PTN: variants seen among roughly 807,000 people sequenced by gnomAD.
The protein encoded by PTN is heparin affin regulatory protein.
A neutral mutation model predicts 24.1 loss-of-function variants in PTN; 18 were observed. That is an observed-to-expected ratio of 0.75 (90% CI 0.52 to 1.11). The LOEUF (loss-of-function observed/expected upper bound fraction) is 1.11. Ranked by LOEUF, PTN falls within the 50% of genes least tolerant of loss-of-function variation. The pLI, the probability that PTN is intolerant of heterozygous loss-of-function variation, is 0.00. For synonymous variants in PTN, 78 were observed against 68.6 expected, an observed-to-expected ratio of 1.14 and a Z score of -0.67; for missense variants, 163 against 198.8, an observed-to-expected ratio of 0.82 and a Z score of 1.08.
At chr7:137,254,219 A>C (rs999893809) in intron 2 of PTN, among the ~76,000 whole-genome samples, 2 of 151,598 alleles carry the variant, frequency 1.3e-5, no homozygotes, top group African/African-American at 4.9e-5. Context: ...AATCACTTGA[A>C]CCGGGAGACA....
At chr7:137,289,238 T>C (rs1485196328) in intron 1 of PTN, among the ~76,000 whole-genome samples, 1 of 152,178 alleles carries the variant, frequency 6.6e-6, no homozygotes, top group Non-Finnish European at 1.5e-5. Context: ...ATTAGAGCCT[T>C]GGTATTGAAA....
intron 1 of PTN, among the ~76,000 whole-genome samples, chr7:137,268,740 G>T (rs1809210982): frequency 6.6e-6 from 1 of 152,128 alleles, no homozygotes; most frequent in Admixed American, 6.5e-5. Context: ...CTTGGTTTCG[G>T]GTCTGGTTCC....
intron 1 of PTN, among the ~76,000 whole-genome samples, chr7:137,271,475 C>T (rs908358524): frequency 1.8e-4 from 27 of 152,032 alleles, no homozygotes; most frequent in African/African-American, 5.8e-4. Flanking sequence ...AGCACACAGG[C>T]GTAAGAAAGA....
chr7:137,321,593 T>A (rs1810163929), intron 1 of PTN, among the ~76,000 whole-genome samples: 2 of 152,212 alleles, frequency 1.3e-5, no homozygotes, highest in South Asian at 4.1e-4. Context: ...GACAATGTGA[T>A]TTTTGTTTGA....
chr7:137,307,266 T>C (rs1809904146), intron 1 of PTN, among the ~76,000 whole-genome samples: 1 of 152,154 alleles, frequency 6.6e-6, no homozygotes, highest in Non-Finnish European at 1.5e-5. Flanking sequence ...ATCTGACAGC[T>C]GTTCGGTTCC....
chr7:137,317,023 G>A (rs954141805), intron 1 of PTN, among the ~76,000 whole-genome samples: 2 of 152,196 alleles, frequency 1.3e-5, no homozygotes, highest in African/African-American at 4.8e-5. Context: ...CAGGTTGGTG[G>A]TCTCTCTCTT....
intron 1 of PTN, among the ~76,000 whole-genome samples, chr7:137,324,433 A>AAAAAAAAATATATAT: frequency 2.3e-5 from 2 of 88,802 alleles, no homozygotes; most frequent in African/African-American, 1.4e-4. Context: ...AAAAAAAAAA[A>AAAAAAAAATATATAT]ATATATATAT....
At chr7:137,265,615 C>T (rs57537216) in intron 1 of PTN, among the ~76,000 whole-genome samples, 16,957 of 152,198 alleles carry the variant, frequency 0.11, 1,234 homozygotes, top group East Asian at 0.26. Context: ...GCAGAGAGAG[C>T]CTGGCATGAC....
chr7:137,339,842 G>A (rs895080421), intron 1 of PTN, among the ~76,000 whole-genome samples: 1 of 147,240 alleles, frequency 6.8e-6, no homozygotes, highest in Non-Finnish European at 1.5e-5. Context: ...AAAGCAGGAA[G>A]AAAAGGGAGC....
intron 1 of PTN, among the ~76,000 whole-genome samples, chr7:137,267,379 T>C (rs1809172947): frequency 6.6e-6 from 1 of 152,084 alleles, no homozygotes; most frequent in Non-Finnish European, 1.5e-5. Context: ...CTTATGCTGC[T>C]GTTCTCTTAA....
chr7:137,291,554 C>T (rs1229524073), intron 1 of PTN, among the ~76,000 whole-genome samples: 2 of 152,094 alleles, frequency 1.3e-5, no homozygotes, highest in African/African-American at 4.8e-5. Flanking sequence ...TACAGCTTTA[C>T]TGACCGCTGC....
intron 4 of PTN, among the ~76,000 whole-genome samples, chr7:137,248,153 T>C (rs1033585462): frequency 6.6e-6 from 1 of 152,212 alleles, no homozygotes; most frequent in African/African-American, 2.4e-5. Context: ...TCCCATTGAT[T>C]AGTAGAATGT....
chr7:137,243,729 T>C (rs1343834657), intron 4 of PTN, among the ~76,000 whole-genome samples: 2 of 151,936 alleles, frequency 1.3e-5, no homozygotes, highest in East Asian at 1.9e-4. Flanking sequence ...TGTGGGGAGA[T>C]TGGATAGTCC....
At chr7:137,234,973 G>A (rs1808494597) in intron 4 of PTN, among the ~76,000 whole-genome samples, 1 of 152,014 alleles carries the variant, frequency 6.6e-6, no homozygotes, top group Admixed American at 6.6e-5. Context: ...CACCTTCTAA[G>A]AGATAGAATT....
At chr7:137,320,997 G>A (rs1162335863) in intron 1 of PTN, among the ~76,000 whole-genome samples, 1 of 152,132 alleles carries the variant, frequency 6.6e-6, no homozygotes, top group Non-Finnish European at 1.5e-5. Context: ...ACTGTGCTGT[G>A]GCTCTACAAT....
At chr7:137,304,079 A>C (rs1809848696) in intron 1 of PTN, among the ~76,000 whole-genome samples, 1 of 152,032 alleles carries the variant, frequency 6.6e-6, no homozygotes, top group Non-Finnish European at 1.5e-5. Context: ...AGCGTGGTTC[A>C]AAGAATAATG....
At position 137,288,222 on chromosome 7, in the gene PTN, C is replaced by G. The variant is rs540425727; in HGVS notation, c.-1-33248G>C. Reference sequence around the variant, plus strand: ...ATTGTTTAATAAACAAGCTGTTGCCCCAAATAATTTGCTCAGATGAGTTAA... The same window carrying G: ...ATTGTTTAATAAACAAGCTGTTGCCGCAAATAATTTGCTCAGATGAGTTAA... On this transcript the variant is annotated intron_variant, in intron 1 of 4. Transcript: ENST00000348225. Among the ~76,000 whole-genome samples, 9 of 152,126 alleles carry G rather than the reference C, an allele frequency of 5.9e-5. No individual in the cohort carries two copies. In the South Asian group the frequency reaches 1.7e-3, roughly 28 times the overall value.
rs560443451 is a variant in PTN at position 137,337,152 on chromosome 7, A to T, written c.-2+6287T>A. ...GGCTCCAGGCAGCTGGAACCTACAC[A>T]TGACGCTAGTTAATCTGATAAACAT... On this transcript the variant is annotated intron_variant, in intron 1 of 4. Coordinates refer to ENST00000348225, the MANE Select transcript of PTN (RefSeq NM_002825.7). Among the ~76,000 whole-genome samples the T allele has an allele frequency of 3.3e-5, 5 of 152,306 alleles. No homozygotes were observed. The East Asian group carries it at 9.6e-4, about 29-fold the overall frequency.
chr7:137,291,621 T>C (rs547120678), intron 1 of PTN, among the ~76,000 whole-genome samples: 2 of 152,142 alleles, frequency 1.3e-5, no homozygotes, highest in East Asian at 3.9e-4. Context: ...CAAGTGCCAG[T>C]TGACATCCCC....
Sources: gnomAD v4.1 joint callset for allele counts (sites outside exome capture counted in the v4.1 genomes callset) on GRCh38, gnomAD v4.1.1 for gene constraint, MANE v1.5 for transcripts, NCBI Gene and HGNC (gene_info 2026-07-23, HGNC 2026-07-21) for gene names.